RBFOX1: variants seen among roughly 807,000 people sequenced by gnomAD.
RBFOX1 encodes the protein RNA binding fox-1 homolog 1.
In RBFOX1, 8 loss-of-function variants were observed where a neutral mutation model predicts 57.7. The ratio of observed to expected loss-of-function variants is 0.14; its 90% CI spans 0.08 to 0.25. The LOEUF is 0.25. RBFOX1 is among the 10% of genes least tolerant of loss of function. The pLI, the probability that RBFOX1 is intolerant of heterozygous loss-of-function variation, is 1.00. For missense variants in RBFOX1, 611 were observed against 548.5 expected, an observed-to-expected ratio of 1.11 and a Z score of -1.14; for synonymous variants, 326 against 222.4, an observed-to-expected ratio of 1.47 and a Z score of -4.15.
intron 7 of RBFOX1, among the ~76,000 whole-genome samples, chr16:7,589,470 C>G (rs1261593850): frequency 6.6e-6 from 1 of 151,910 alleles, no homozygotes; most frequent in Non-Finnish European, 1.5e-5. Context: ...TTTGCTGCAT[C>G]CAGAGCCTGA....
intron 3 of RBFOX1, among the ~76,000 whole-genome samples, chr16:5,712,788 G>A (rs974424043): frequency 6.6e-6 from 1 of 152,190 alleles, no homozygotes; most frequent in Non-Finnish European, 1.5e-5. Flanking sequence ...GGCTCCCTCT[G>A]ATCTGCATTC....
At chr16:6,508,084 G>A (rs12149519) in intron 2 of RBFOX1, among the ~76,000 whole-genome samples, 33,560 of 152,022 alleles carry the variant, frequency 0.22, 4,261 homozygotes, top group Non-Finnish European at 0.29. Context: ...GGAGCTGGAG[G>A]TCATTATCCT....
At chr16:5,887,706 C>G (rs567094066) in intron 4 of RBFOX1, among the ~76,000 whole-genome samples, 3 of 152,064 alleles carry the variant, frequency 2.0e-5, no homozygotes, top group Non-Finnish European at 2.9e-5. Context: ...ACCTGGCCTC[C>G]TTTCTCCTGT....
intron 1 of RBFOX1, among the ~76,000 whole-genome samples, chr16:6,250,350 T>C (rs62015141): frequency 0.14 from 21,154 of 152,180 alleles, 1,589 homozygotes; most frequent in Middle Eastern, 0.3. Context: ...ATTAGAATAT[T>C]AAGCGAACTA....
chr16:5,732,147 C>A (rs2052396597), intron 3 of RBFOX1, among the ~76,000 whole-genome samples: 1 of 152,192 alleles, frequency 6.6e-6, no homozygotes, highest in African/African-American at 2.4e-5. Flanking sequence ...ATAATTGCGG[C>A]ATTTCAGCAT....
intron 14 of RBFOX1, among the ~76,000 whole-genome samples, chr16:7,690,795 A>C (rs1055066904): frequency 6.6e-6 from 1 of 152,128 alleles, no homozygotes; most frequent in Non-Finnish European, 1.5e-5. Flanking sequence ...TGGGCCCTCT[A>C]AATCAATAGT....
At chr16:5,310,162 G>C (rs1228778648) in intron 1 of RBFOX1, among the ~76,000 whole-genome samples, 1 of 152,174 alleles carries the variant, frequency 6.6e-6, no homozygotes, top group Non-Finnish European at 1.5e-5. Context: ...ACTTTGGGAG[G>C]CTGAGGTGGG....
chr16:7,199,059 A>C (rs1602730258), intron 4 of RBFOX1, among the ~76,000 whole-genome samples: 1 of 152,216 alleles, frequency 6.6e-6, no homozygotes, highest in South Asian at 2.1e-4. Flanking sequence ...GGGAAGTAAG[A>C]ATATCATCAC....
intron 4 of RBFOX1, among the ~76,000 whole-genome samples, chr16:7,107,776 G>C (rs573550493): frequency 6.6e-6 from 1 of 152,180 alleles, no homozygotes; most frequent in South Asian, 2.1e-4. Context: ...CAGAATAAAA[G>C]TATTCTAATC....
chr16:6,572,598 G>A (rs893663392), intron 2 of RBFOX1, among the ~76,000 whole-genome samples: 2 of 150,602 alleles, frequency 1.3e-5, no homozygotes, highest in African/African-American at 2.5e-5. Flanking sequence ...CACCTTCTCT[G>A]TCTTTTTTTT....
intron 5 of RBFOX1, among the ~76,000 whole-genome samples, chr16:7,558,259 T>C (rs1047529882): frequency 5.3e-5 from 8 of 151,684 alleles, no homozygotes; most frequent in African/African-American, 1.7e-4. Flanking sequence ...GAGGCTGAGG[T>C]GGGAGGATCA....
chr16:6,074,106 G>A (rs546582080), intron 1 of RBFOX1, among the ~76,000 whole-genome samples: 2 of 152,118 alleles, frequency 1.3e-5, no homozygotes, highest in South Asian at 2.1e-4. Flanking sequence ...CCGCCACCAC[G>A]CCTGGCTAAT....
At chr16:7,457,608 G>C (rs2058772438) in intron 4 of RBFOX1, among the ~76,000 whole-genome samples, 1 of 152,112 alleles carries the variant, frequency 6.6e-6, no homozygotes, top group Admixed American at 6.5e-5. Context: ...ATTTGATTGT[G>C]AATGTTCCTT....
At chr16:6,475,015 G>C in intron 2 of RBFOX1, among the ~76,000 whole-genome samples, 1 of 152,192 alleles carries the variant, frequency 6.6e-6, no homozygotes, top group Non-Finnish European at 1.5e-5. Flanking sequence ...ATTGCAAAGT[G>C]CAAAAGATGA....
chr16:7,105,719 G>A (rs568069816), intron 4 of RBFOX1, among the ~76,000 whole-genome samples: 1 of 151,954 alleles, frequency 6.6e-6, no homozygotes, highest in African/African-American at 2.4e-5. Context: ...TATATATGGA[G>A]ATATATAGGT....
At chr16:6,783,289 T>G (rs1172982679) in intron 3 of RBFOX1, among the ~76,000 whole-genome samples, 1 of 151,896 alleles carries the variant, frequency 6.6e-6, no homozygotes, top group African/African-American at 2.4e-5. Context: ...TTTTTGTTGT[T>G]GTTGTCATTT....
At chr16:7,617,925 A>G (rs1204618001) in intron 10 of RBFOX1, among the ~76,000 whole-genome samples, 1 of 152,100 alleles carries the variant, frequency 6.6e-6, no homozygotes, top group Non-Finnish European at 1.5e-5. Context: ...GGTAAAGATC[A>G]TTGCAGGAGG....
intron 2 of RBFOX1, among the ~76,000 whole-genome samples, chr16:6,610,565 C>A (rs576256745): frequency 2.4e-4 from 37 of 152,226 alleles, no homozygotes; most frequent in Middle Eastern, 6.8e-3. Context: ...CCTGGTCTCA[C>A]AGGATCCTCC....
At chr16:5,585,620 G>A (rs2046805305) in intron 2 of RBFOX1, among the ~76,000 whole-genome samples, 1 of 152,342 alleles carries the variant, frequency 6.6e-6, no homozygotes, top group Non-Finnish European at 1.5e-5. Flanking sequence ...ATATCCCGAT[G>A]AAAGGGCTGA....
Sources: gnomAD v4.1 joint callset for allele counts (sites outside exome capture counted in the v4.1 genomes callset) on GRCh38, gnomAD v4.1.1 for gene constraint, MANE v1.5 for transcripts, NCBI Gene and HGNC (gene_info 2026-07-23, HGNC 2026-07-21) for gene names.